Variants in ZNF440 observed in about 807,000 individuals in gnomAD.
The protein encoded by ZNF440 is zinc finger protein 440.
In ZNF440, 47 loss-of-function variants were observed where a neutral mutation model predicts 49.7. That is an observed-to-expected ratio of 0.95 (90% confidence interval 0.75 to 1.21). The LOEUF (loss-of-function observed/expected upper bound fraction) is 1.21. ZNF440 is among the 50% of genes most tolerant of loss of function. ZNF440 has a pLI of 0.00. For missense variants in ZNF440, 703 were observed against 715.0 expected, an observed-to-expected ratio of 0.98 and a Z score of 0.19; for synonymous variants, 255 against 237.7, an observed-to-expected ratio of 1.07 and a Z score of -0.67.
chr19:11,825,640 C>A (rs1165208597), intron 1 of ZNF440, among the ~76,000 whole-genome samples: 1 of 151,986 alleles, frequency 6.6e-6, no homozygotes, highest in Non-Finnish European at 1.5e-5. Context: ...CTTGACAACT[C>A]ATTTATTTTT....
At position 11,832,042 on chromosome 19, in the gene ZNF440, G is replaced by A. The variant is rs1304254757; in HGVS notation, c.866G>A (p.Cys289Tyr). ...GAAAAGGCTTATCAATGTAAGGAAT[G>A]TGGAAAAGCATTCACGTGTCCCCGT... ...MGEKAYQCKE[C>Y]GKAFTCPRYV... The change falls in exon 4 of 4, where the codon TGT becomes TAT. Residue 289 changes from cysteine (C) to tyrosine (Y), a missense_variant. Transcript: ENST00000304060. 5 of 1,614,130 alleles carry A rather than the reference G, an allele frequency of 3.1e-6. No homozygotes were observed. The highest frequency in any genetic ancestry group is 4.2e-6 in the Non-Finnish European group (5 of 1,180,014).
Position 11,833,538 on chromosome 19 carries a change from A to G in ZNF440, c.*574A>G. On this transcript the variant is annotated 3_prime_UTR_variant, in exon 4 of 4. Coordinates refer to ENST00000304060, the MANE Select transcript of ZNF440 (RefSeq NM_152357.3). ...GCTTTCACTTCTTCCAGTTCTTTTC[A>G]ATATCATGAAAGAACACACTAGGGA... The G allele has an allele frequency of 3.6e-6, 1 of 276,314 alleles. No homozygotes were observed. 17.1% of individuals were successfully genotyped at this position (276,314 alleles called of 1,614,324 possible).
rs748098934 is a variant in ZNF440, at chr19:11,830,264, C to T, written c.4-19C>T. Reference sequence around the variant, plus strand: ...TGTCACTCTCACCCATCTTCTTCTACACATGTGAGATGTTTCAGGACCCAG... The same window carrying T: ...TGTCACTCTCACCCATCTTCTTCTATACATGTGAGATGTTTCAGGACCCAG... On this transcript the variant is annotated intron_variant, in intron 1 of 3. Transcript: ENST00000304060. The T allele has an allele frequency of 1.2e-6, 2 of 1,613,974 alleles. No individual in the cohort carries two copies. The highest frequency in any genetic ancestry group is 2.2e-5 in the East Asian group (1 of 44,890).
At chr19:11,817,343 C>G (rs1400952659) in intron 1 of ZNF440, 1 of 152,386 alleles carries the variant, frequency 6.6e-6, no homozygotes, top group African/African-American at 2.4e-5. Flanking sequence ...GGCCTGTAAT[C>G]TAAGCACTTT....
At position 11,832,841 on chromosome 19, in the gene ZNF440, C is replaced by T; in HGVS notation, c.1665C>T (p.Pro555=). ...ATGACGGAAAGCCTTCAGATCTGCC[C>T]CACACCTTTGAATACGTGGTAGGAC... ...VSNDGKPSDL[P]HTFEYVVGHT... Residue 555 remains proline, a synonymous_variant, in exon 4 of 4, where the codon CCC becomes CCT. Coordinates refer to ENST00000304060, the MANE Select transcript of ZNF440 (RefSeq NM_152357.3). The T allele has an allele frequency of 1.2e-6, 2 of 1,612,426 alleles. No homozygotes were observed. The highest frequency in any genetic ancestry group is 4.5e-5 in the East Asian group (2 of 44,718).
At chr19:11,815,033 T>C (rs1453656954) in intron 1 of ZNF440, among the ~76,000 whole-genome samples, 1 of 152,036 alleles carries the variant, frequency 6.6e-6, no homozygotes, top group African/African-American at 2.4e-5. Context: ...CCCAGCACTT[T>C]GGGAGGCCGA....
chr19:11,818,947 C>T (rs1975765377), intron 1 of ZNF440, among the ~76,000 whole-genome samples: 1 of 152,066 alleles, frequency 6.6e-6, no homozygotes, highest in Non-Finnish European at 1.5e-5. Flanking sequence ...CAGCTGAAGA[C>T]AGTGTGATAG....
At chr19:11,814,496 G>T (rs1975707489) in intron 1 of ZNF440, 46 bp downstream of exon 1, 16 of 1,473,546 alleles carry the variant, frequency 1.1e-5, no homozygotes, top group Non-Finnish European at 1.4e-5. Flanking sequence ...AGAGGGGCTG[G>T]AATCGGCCGG....
rs1249567206 is a variant in ZNF440 at position 11,830,146 on chromosome 19, A to C, written c.4-137A>C. 2.7e-6 allele frequency: 4 copies of C among 1,495,270 alleles called. No homozygotes were observed. The African/African-American group carries it at 5.6e-5, about 21-fold the overall frequency. 92.6% of individuals were successfully genotyped at this position (1,495,270 alleles called of 1,614,324 possible). A position where few individuals can be genotyped will look rare whatever the true frequency, so the allele number is the denominator to read the frequency against. On this transcript the variant is annotated intron_variant, in intron 1 of 3. Coordinates refer to ENST00000304060, the MANE Select transcript of ZNF440 (RefSeq NM_152357.3). ...TGGAAGAAAGTAAGTATACACAGGG[A>C]GAAAGAGATCTGATGACCAAAGCAG...
At chr19:11,819,811 A>G (rs1975776876) in intron 1 of ZNF440, among the ~76,000 whole-genome samples, 1 of 152,262 alleles carries the variant, frequency 6.6e-6, no homozygotes, top group Non-Finnish European at 1.5e-5. Flanking sequence ...CCTATAAATT[A>G]GTAATTTTCA....
Position 11,832,229 on chromosome 19 carries a change from T to C in ZNF440, c.1053T>C (p.Ser351=), listed in dbSNP as rs761864147. The C allele has an allele frequency of 6.2e-7, 1 of 1,614,120 alleles. No homozygotes were observed. The highest frequency in any genetic ancestry group is 1.7e-5 in the Admixed American group (1 of 60,010). Residue 351 remains serine (S), a synonymous_variant, in exon 4 of 4, where the codon TCT becomes TCC. Transcript: ENST00000304060. ...ECKICGKDFC[S]VNSFQRHEKI... is the part of the protein sequence containing the mutation. ...AGATATGTGGAAAAGACTTTTGTTC[T>C]GTGAATTCATTTCAAAGACATGAAA... is the stretch of plus-strand genomic sequence containing the variant.
At position 11,830,406 on chromosome 19, in the gene ZNF440, T is replaced by G. The variant is rs424132; in HGVS notation, c.127T>G (p.Leu43Val). 8 of 1,613,814 alleles carry G rather than the reference T, an allele frequency of 5.0e-6. No individual in the cohort carries two copies. The highest frequency in any genetic ancestry group is 2.2e-5 in the South Asian group (2 of 91,070). Residue 43 changes from leucine to valine, a missense_variant, in exon 2 of 4, where the codon TTA (leucine) becomes GTA (valine). By Grantham distance (32) the Leu-to-Val change is conservative. Coordinates refer to ENST00000304060, the MANE Select transcript of ZNF440 (RefSeq NM_152357.3). Reference protein sequence around the residue: ...MLETFRNLTSLGKRWKDQNIE... With the variant: ...MLETFRNLTSVGKRWKDQNIE... ...GGAAACTTTCAGGAACCTGACCTCT[T>G]TAGGTAAGGATGACAATATTCCTTC...
intron 1 of ZNF440, among the ~76,000 whole-genome samples, chr19:11,829,516 A>G (rs1007339410): frequency 6.6e-5 from 10 of 152,038 alleles, no homozygotes; most frequent in Admixed American, 3.9e-4. Flanking sequence ...TGTTTTGCCT[A>G]TGAATTCGTA....
rs754508513 is a variant in ZNF440, at chr19:11,832,279, A to G, written c.1103A>G (p.Tyr368Cys). 20 of 1,614,132 alleles carry G rather than the reference A, an allele frequency of 1.2e-5. 1 individual carries two copies. In the South Asian group the frequency reaches 2.0e-4, roughly 16 times the overall value. Residue 368 changes from tyrosine to cysteine, a missense_variant, in exon 4 of 4, where the codon TAT (tyrosine) becomes TGT (cysteine). By Grantham distance (194) the Tyr-to-Cys change is radical. Transcript: ENST00000304060. ...AAAATTCACAGTGGAGAGAAACCCT[A>G]TAAATGTAAGCAGTGTGGTAAAGCC... ...HEKIHSGEKP[Y>C]KCKQCGKAFP... is the part of the protein sequence containing the mutation.
At position 11,832,793 on chromosome 19, in the gene ZNF440, G is replaced by T; in HGVS notation, c.1617G>T (p.Lys539Asn). Residue 539 changes from lysine (K) to asparagine (N), a missense_variant, in exon 4 of 4, where the codon AAG becomes AAT. Coordinates refer to ENST00000304060, the MANE Select transcript of ZNF440 (RefSeq NM_152357.3). ...AATGCATGGTAGGACTCACCCTGAA[G>T]AGAAACCCTATGAGTGTGAGCAATG... is the stretch of plus-strand genomic sequence containing the variant. The part of the protein sequence containing the change: ...SFECMVGLTL[K>N]RNPMSVSNDG... 1 of 1,613,806 alleles carries T rather than the reference G, an allele frequency of 6.2e-7. No homozygotes were observed. Among genetic ancestry groups the T allele is most frequent in the South Asian group, 1.1e-5 (1 of 91,052 alleles).
chr19:11,833,139 C>A lies in ZNF440; in HGVS notation c.*175C>A. 1 of 1,381,042 alleles carries A rather than the reference C, an allele frequency of 7.2e-7. No homozygotes were observed. Among genetic ancestry groups the A allele is most frequent in the Non-Finnish European group, 1.0e-6 (1 of 980,190 alleles). 85.5% of individuals were successfully genotyped at this position (1,381,042 alleles called of 1,614,324 possible). A position where few individuals can be genotyped will look rare whatever the true frequency, so the allele number is the denominator to read the frequency against. ...TTTCGATATCATGAAAGGACTCACA[C>A]TGGAGAGAACCCCTATGAGTGTAAG... On this transcript the variant is annotated 3_prime_UTR_variant, in exon 4 of 4. Coordinates refer to ENST00000304060, the MANE Select transcript of ZNF440 (RefSeq NM_152357.3).
chr19:11,825,763 T>A lies in ZNF440; in HGVS notation c.4-4520T>A, dbSNP rs375311720. Among the ~76,000 whole-genome samples, 9 of 151,318 alleles carry A rather than the reference T, an allele frequency of 5.9e-5. No individual in the cohort carries two copies. In the East Asian group the frequency reaches 9.7e-4, roughly 16 times the overall value. On this transcript the variant is annotated intron_variant, in intron 1 of 3. Coordinates refer to ENST00000304060, the MANE Select transcript of ZNF440 (RefSeq NM_152357.3). ...TCCCAAAGTGCCTGAATTCCACTTG[T>A]GAGCCACCATGTCCGGCCACTGATT... is the stretch of plus-strand genomic sequence containing the variant.
rs774406202 is a variant in ZNF440 at position 11,832,078 on chromosome 19, T to A, written c.902T>A (p.Ile301Lys). The A allele has an allele frequency of 1.9e-6, 3 of 1,614,028 alleles. No homozygotes were observed. The highest frequency in any genetic ancestry group is 1.7e-6 in the Non-Finnish European group (2 of 1,180,008). Residue 301 changes from isoleucine (I) to lysine (K), a missense_variant, in exon 4 of 4, where the codon ATA (isoleucine) becomes AAA (lysine). By Grantham distance (102) the Ile-to-Lys change is moderately radical. Transcript: ENST00000304060. Reference protein sequence around the residue: ...KAFTCPRYVRIHERTHSRKNL... With the variant: ...KAFTCPRYVRKHERTHSRKNL... The stretch of plus-strand genomic sequence containing the variant: ...TTCACGTGTCCCCGTTATGTTCGTA[T>A]ACATGAAAGGACCCACTCTAGGAAA...
chr19:11,830,871 A>G (rs1975928357), intron 3 of ZNF440, among the ~76,000 whole-genome samples, 194 bp downstream of exon 3: 1 of 152,314 alleles, frequency 6.6e-6, no homozygotes, highest in South Asian at 2.1e-4. Context: ...TCCTTTGAGA[A>G]GTGGAGATAG....
Sources: gnomAD v4.1 joint callset for allele counts (sites outside exome capture counted in the v4.1 genomes callset) on GRCh38, gnomAD v4.1.1 for gene constraint, MANE v1.5 for transcripts, NCBI Gene and HGNC (gene_info 2026-07-23, HGNC 2026-07-21) for gene names.